Variants in PGAM5 observed in about 807,000 individuals in gnomAD.
PGAM5 encodes the protein serine/threonine-protein phosphatase PGAM5, mitochondrial.
PGAM5 carries 25 observed loss-of-function variants against 30.6 expected under a neutral mutation model. That is an observed-to-expected ratio of 0.82 (90% CI 0.60 to 1.14). PGAM5 has a LOEUF of 1.14. Ranked by LOEUF, PGAM5 falls within the 50% of genes most tolerant of loss-of-function variation. PGAM5 has a pLI of 0.00. For missense variants in PGAM5, 384 were observed against 408.5 expected (o/e 0.94, Z 0.52); for synonymous variants, 201 against 179.1 (o/e 1.12, Z -0.98).
Position 132,718,039 on chromosome 12 carries a change from A to G in PGAM5, c.638A>G (p.His213Arg). The G allele has an allele frequency of 6.2e-7, 1 of 1,612,792 alleles. No homozygotes were observed. Among genetic ancestry groups the G allele is most frequent in the Non-Finnish European group, 8.5e-7 (1 of 1,179,978 alleles). The part of the protein sequence containing the change: ...RIEAAFRNYI[H>R]RADARQEEDS... Reference sequence around the variant, plus strand: ...GAGGCCGCCTTCCGGAACTACATCCACCGCGCAGATGCCAGGCAGGAGGAG... The same window carrying G: ...GAGGCCGCCTTCCGGAACTACATCCGCCGCGCAGATGCCAGGCAGGAGGAG... Residue 213 changes from histidine (H) to arginine (R), a missense_variant, in exon 5 of 6, where the codon CAC becomes CGC. His to Arg is a conservative substitution (Grantham distance 29). Transcript: ENST00000498926.
intron 5 of PGAM5, among the ~76,000 whole-genome samples, chr12:132,719,380 C>T (rs528769684): frequency 1.3e-4 from 20 of 152,240 alleles, no homozygotes; most frequent in African/African-American, 4.8e-4. Flanking sequence ...AGCAGCAGCT[C>T]CCAGAAAGTC....
Position 132,717,797 on chromosome 12 carries a change from T to C in PGAM5, c.584T>C (p.Val195Ala), listed in dbSNP as rs747018177. 4.4e-6 allele frequency: 7 copies of C among 1,584,488 alleles called. No homozygotes were observed. The highest frequency in any genetic ancestry group is 6.0e-6 in the Non-Finnish European group (7 of 1,165,562). Reference protein sequence around the residue: ...PPVSHWKPEAVQYYEDGARIE... With the variant: ...PPVSHWKPEAAQYYEDGARIE... ...GTGTCTCATTGGAAGCCGGAAGCTG[T>C]GGTAAAAACCTCCCCGGGGGGCAGC... The change falls in exon 4 of 6, where the codon GTG becomes GCG. Residue 195 changes from valine (V) to alanine (A), a missense_variant and splice_region_variant. Physicochemically the swap from Val to Ala is moderately conservative, Grantham distance 64 (BLOSUM62 0). Coordinates refer to ENST00000498926, the MANE Select transcript of PGAM5 (RefSeq NM_001170543.2).
chr12:132,718,093 CCAA>C lies in PGAM5; in HGVS notation c.694_696del (p.Asn232del). 2 of 1,612,760 alleles carry C rather than the reference CCAA, an allele frequency of 1.2e-6. No individual in the cohort carries two copies. The highest frequency in any genetic ancestry group is 1.7e-6 in the Non-Finnish European group (2 of 1,179,978). On this transcript the variant is annotated inframe_deletion, in exon 5 of 6. Coordinates refer to ENST00000498926, the MANE Select transcript of PGAM5 (RefSeq NM_001170543.2). ...AGTTACGAGATCTTCATCTGTCACGCCAACGTCATCCGCTACATCGTGTGCAGG... is the reference window on the plus strand; with the variant it reads ...AGTTACGAGATCTTCATCTGTCACGCCGTCATCCGCTACATCGTGTGCAGG...
Position 132,722,278 on chromosome 12 carries a change from T to C in PGAM5, c.*1450T>C, listed in dbSNP as rs1183573680. The C allele has an allele frequency of 2.7e-5, 4 of 147,172 alleles. No homozygotes were observed. Among genetic ancestry groups the C allele is most frequent in the Admixed American group, 1.4e-4 (2 of 14,328 alleles). 9.1% of individuals were successfully genotyped at this position (147,172 alleles called of 1,614,324 possible). On this transcript the variant is annotated 3_prime_UTR_variant, in exon 6 of 6. Transcript: ENST00000498926. ...TGTTTTTTTTTTTTTGGAGACGGAG[T>C]CTCGCTCTGTCACCCAGGCTGGAGT...
chr12:132,718,933 G>A lies in PGAM5; in HGVS notation c.719+813G>A, dbSNP rs571793999. 32 of 1,550,568 alleles carry A rather than the reference G, an allele frequency of 2.1e-5. No individual in the cohort carries two copies. The East Asian group carries it at 3.0e-4, about 14-fold the overall frequency. On this transcript the variant is annotated intron_variant, in intron 5 of 5. Coordinates refer to ENST00000498926, the MANE Select transcript of PGAM5 (RefSeq NM_001170543.2). ...ACGTTGCTGCTCGGGCTGCTCCCTC[G>A]GGGGGCCCTTGTCCCTCAACCTGCT...
In PGAM5 at chr12:132,718,094, C is replaced by G; in HGVS notation, c.693C>G (p.Ala231=). ...GTTACGAGATCTTCATCTGTCACGC[C>G]AACGTCATCCGCTACATCGTGTGCA... ...EDSYEIFICH[A]NVIRYIVCRA... is the part of the protein sequence containing the mutation. Residue 231 remains alanine (A), a synonymous_variant, in exon 5 of 6, where the codon GCC becomes GCG. Coordinates refer to ENST00000498926, the MANE Select transcript of PGAM5 (RefSeq NM_001170543.2). 3.7e-6 allele frequency: 6 copies of G among 1,612,784 alleles called. No individual in the cohort carries two copies. The highest frequency in any genetic ancestry group is 4.2e-6 in the Non-Finnish European group (5 of 1,179,974).
At chr12:132,716,876 C>G (rs2043582782) in intron 2 of PGAM5, among the ~76,000 whole-genome samples, 1 of 152,234 alleles carries the variant, frequency 6.6e-6, no homozygotes, top group Non-Finnish European at 1.5e-5. Flanking sequence ...AGTGGAGTGA[C>G]AGATGCAGGT....
chr12:132,717,491 G>A lies in PGAM5; in HGVS notation c.423G>A (p.Lys141=), dbSNP rs186844431. The A allele has an allele frequency of 8.7e-6, 14 of 1,610,680 alleles. No homozygotes were observed. Among genetic ancestry groups the A allele is most frequent in the Non-Finnish European group, 1.2e-5 (14 of 1,179,942 alleles). ...TCCGCCTGGCAAGCTTGGGGTTGAA[G>A]TTTAATAAAATCGTCCATTCGTCTA... ...TGLRLASLGL[K]FNKIVHSSMT... The change falls in exon 3 of 6, where the codon AAG becomes AAA. Residue 141 remains lysine (K), a synonymous_variant. Coordinates refer to ENST00000498926, the MANE Select transcript of PGAM5 (RefSeq NM_001170543.2).
intron 5 of PGAM5, chr12:132,718,953 C>T (rs1566000733): frequency 6.6e-7 from 1 of 1,515,234 alleles, no homozygotes; most frequent in Non-Finnish European, 8.8e-7. Flanking sequence ...TGTCCCTCAA[C>T]CTGCTCTGGT....
In PGAM5 at chr12:132,718,065, G is replaced by A; in HGVS notation, c.664G>A (p.Asp222Asn). 4 of 1,612,856 alleles carry A rather than the reference G, an allele frequency of 2.5e-6. No individual in the cohort carries two copies. Among genetic ancestry groups the A allele is most frequent in the Non-Finnish European group, 3.4e-6 (4 of 1,179,986 alleles). The change falls in exon 5 of 6, where the codon GAC (aspartate) becomes AAC (asparagine). Residue 222 changes from aspartate (D) to asparagine (N), a missense_variant. Asp to Asn is a conservative substitution (Grantham distance 23). Coordinates refer to ENST00000498926, the MANE Select transcript of PGAM5 (RefSeq NM_001170543.2). ...CCGCGCAGATGCCAGGCAGGAGGAG[G>A]ACAGTTACGAGATCTTCATCTGTCA... is the stretch of plus-strand genomic sequence containing the variant. ...IHRADARQEE[D>N]SYEIFICHAN...
In PGAM5 at chr12:132,716,891, C is replaced by G. The variant is rs115103250; in HGVS notation, c.371-548C>G. On this transcript the variant is annotated intron_variant, in intron 2 of 5. Coordinates refer to ENST00000498926, the MANE Select transcript of PGAM5 (RefSeq NM_001170543.2). ...AGTGGAGTGACAGATGCAGGTGTGG[C>G]TGCATCCAGTGGCTTCGGCCTTCCT... Among the ~76,000 whole-genome samples, 1,304 of 152,336 alleles carry G rather than the reference C, an allele frequency of 8.6e-3. 14 individuals carry two copies. The highest frequency in any genetic ancestry group is 0.03 in the African/African-American group (1,244 of 41,576).
rs966368150 is a variant in PGAM5, at chr12:132,721,855, G to A, written c.*1027G>A. ...CAACCTCAGGTGATTCACCCACCTTGGCCTCCCAAAGTGCTGGGATTAAAG... is the reference window on the plus strand; with the variant it reads ...CAACCTCAGGTGATTCACCCACCTTAGCCTCCCAAAGTGCTGGGATTAAAG... On this transcript the variant is annotated 3_prime_UTR_variant, in exon 6 of 6. Transcript: ENST00000498926. 7 of 152,168 alleles carry A rather than the reference G, an allele frequency of 4.6e-5. No individual in the cohort carries two copies. Among genetic ancestry groups the A allele is most frequent in the African/African-American group, 1.4e-4 (6 of 41,444 alleles). The allele number at this position is 152,168 out of a possible 1,614,324, so 9.4% of individuals were successfully genotyped here. A position where few individuals can be genotyped will look rare whatever the true frequency, so the allele number is the denominator to read the frequency against.
rs767165356 is a variant in PGAM5 at position 132,715,054 on chromosome 12, A to G, written c.370+18A>G. 6.3e-6 allele frequency: 10 copies of G among 1,593,082 alleles called. No individual in the cohort carries two copies. In the South Asian group the frequency reaches 1.1e-4, roughly 18 times the overall value. On this transcript the variant is annotated intron_variant, in intron 2 of 5. Transcript: ENST00000498926. ...CCCGCTGGGTATGTGGTGGGTTCAG[A>G]TCCTCTGTGGACCCTCGTGGTTATG...
intron 1 of PGAM5, among the ~76,000 whole-genome samples, chr12:132,712,762 A>G (rs371451208): frequency 6.6e-6 from 1 of 151,828 alleles, no homozygotes; most frequent in South Asian, 2.1e-4. Flanking sequence ...AGCCTGTTAT[A>G]TTCTTTTTTA....
chr12:132,721,980 T>A lies in PGAM5; in HGVS notation c.*1152T>A, dbSNP rs1042736572. The A allele has an allele frequency of 2.0e-5, 3 of 152,160 alleles. No individual in the cohort carries two copies. The highest frequency in any genetic ancestry group is 7.2e-5 in the African/African-American group (3 of 41,438). 9.4% of individuals were successfully genotyped at this position (152,160 alleles called of 1,614,324 possible). A position where few individuals can be genotyped will look rare whatever the true frequency, so the allele number is the denominator to read the frequency against. ...CAAATTTACAGATTTCCTGATGATG[T>A]TGGGTCTGAACTCACCAACTTGATT... On this transcript the variant is annotated 3_prime_UTR_variant, in exon 6 of 6. Transcript: ENST00000498926.
chr12:132,714,711 A>C, intron 1 of PGAM5, 147 bp from the exon 2 acceptor site: 1 of 808,488 alleles, frequency 1.2e-6, no homozygotes, highest in Non-Finnish European at 1.9e-6. Context: ...GTATGCTCAG[A>C]GAGGCCTCCC....
chr12:132,711,389 G>T (rs75455636), intron 1 of PGAM5: 2,737 of 199,158 alleles, frequency 0.014, 65 homozygotes, highest in African/African-American at 0.057. Flanking sequence ...CTCCTTCAGG[G>T]GCGTTTGCAG....
chr12:132,720,313 G>GTTT (rs758552620), intron 5 of PGAM5, among the ~76,000 whole-genome samples: 1 of 139,024 alleles, frequency 7.2e-6, no homozygotes, highest in African/African-American at 2.6e-5. Context: ...AGCCCAGCCC[G>GTTT]TTTTTTTTTT....
At chr12:132,717,039 G>A (rs1260768613) in intron 2 of PGAM5, among the ~76,000 whole-genome samples, 2 of 152,256 alleles carry the variant, frequency 1.3e-5, no homozygotes, top group African/African-American at 4.8e-5. Context: ...ATGGCGCGTG[G>A]TTGGGGGCCT....
Sources: gnomAD v4.1 joint callset for allele counts (sites outside exome capture counted in the v4.1 genomes callset) on GRCh38, gnomAD v4.1.1 for gene constraint, MANE v1.5 for transcripts, NCBI Gene and HGNC (gene_info 2026-07-23, HGNC 2026-07-21) for gene names.